CNTNAP2: variants seen among roughly 807,000 people sequenced by gnomAD.
CNTNAP2 encodes contactin associated protein 2.
CNTNAP2 carries 98 observed loss-of-function variants against 155.2 expected under a neutral mutation model. The ratio of observed to expected loss-of-function variants is 0.63; its 90% CI spans 0.54 to 0.75. The LOEUF is 0.75. Ranked by LOEUF, CNTNAP2 falls within the 30% of genes least tolerant of loss-of-function variation. CNTNAP2 has a pLI of 0.00. For missense variants in CNTNAP2, 1,727 were observed against 1,688.1 expected (o/e 1.02, Z -0.40); for synonymous variants, 651 against 631.2 (o/e 1.03, Z -0.47).
intron 1 of CNTNAP2, among the ~76,000 whole-genome samples, chr7:146,563,493 C>A (rs1798312413): frequency 6.6e-6 from 1 of 152,036 alleles, no homozygotes; most frequent in Admixed American, 6.6e-5. Context: ...CTCCAGAGAG[C>A]ATGTTATAGA....
At chr7:147,541,417 A>G (rs1288829481) in intron 11 of CNTNAP2, among the ~76,000 whole-genome samples, 2 of 152,236 alleles carry the variant, frequency 1.3e-5, no homozygotes, top group African/African-American at 2.4e-5. Context: ...AACACTCAGC[A>G]TAGAATATGA....
intron 12 of CNTNAP2, among the ~76,000 whole-genome samples, chr7:147,615,444 G>A (rs1195769545): frequency 1.2e-5 from 1 of 82,730 alleles, no homozygotes; most frequent in African/African-American, 5.6e-5. Flanking sequence ...AAAAAAAACT[G>A]TTAAAAAAAA....
chr7:147,756,623 A>C (rs1797216902), intron 13 of CNTNAP2, among the ~76,000 whole-genome samples: 1 of 152,230 alleles, frequency 6.6e-6, no homozygotes, highest in Non-Finnish European at 1.5e-5. Flanking sequence ...GTAATCCTGA[A>C]GGGGAACTTT....
chr7:147,502,203 TATAGAAATA>T (rs1267714362), intron 11 of CNTNAP2, among the ~76,000 whole-genome samples: 5 of 152,146 alleles, frequency 3.3e-5, no homozygotes, highest in Non-Finnish European at 7.4e-5. Flanking sequence ...TCAGATGTTT[TATAGAAATA>T]GAAAAAAAAA....
In CNTNAP2 at chr7:146,933,721, T is replaced by A. The variant is rs564505749; in HGVS notation, c.402+93817T>A. 4.6e-3 allele frequency among the ~76,000 whole-genome samples: 696 copies of A among 150,570 alleles called. 5 individuals carry two copies. Among genetic ancestry groups the A allele is most frequent in the African/African-American group, 0.016 (655 of 41,008 alleles). ...AAGGGCTAGTATCCAGAATCTACAA[T>A]GAACTCAAACAAATTTACAAGAAAA... is the stretch of plus-strand genomic sequence containing the variant. On this transcript the variant is annotated intron_variant, in intron 3 of 23. Transcript: ENST00000361727.
intron 1 of CNTNAP2, among the ~76,000 whole-genome samples, chr7:146,731,924 A>G (rs1391688290): frequency 1.3e-5 from 2 of 151,854 alleles, no homozygotes; most frequent in South Asian, 2.1e-4. Context: ...AGTAAAAATT[A>G]CATTTTTTGT....
intron 13 of CNTNAP2, among the ~76,000 whole-genome samples, chr7:147,900,437 G>A (rs996653575): frequency 6.6e-6 from 1 of 152,160 alleles, no homozygotes. Flanking sequence ...ATGAGAAGAC[G>A]TGCCTTGCTT....
chr7:147,704,410 C>A, intron 13 of CNTNAP2: 1 of 163,250 alleles, frequency 6.1e-6, no homozygotes. Flanking sequence ...ATCTGACCAG[C>A]AAACCAAGCA....
At position 147,034,559 on chromosome 7, in the gene CNTNAP2, C is replaced by A. The variant is rs147929954; in HGVS notation, c.403-9348C>A. On this transcript the variant is annotated intron_variant, in intron 3 of 23. Coordinates refer to ENST00000361727, the MANE Select transcript of CNTNAP2 (RefSeq NM_014141.6). Reference sequence around the variant, plus strand: ...TAATCGGTTCAATTAGACCCCCTGCCTTACTGCAAGGACAGAGAGCTTTCT... The same window carrying A: ...TAATCGGTTCAATTAGACCCCCTGCATTACTGCAAGGACAGAGAGCTTTCT... Among the ~76,000 whole-genome samples the A allele has an allele frequency of 3.4e-3, 517 of 152,300 alleles. 9 individuals are homozygous for A. Among genetic ancestry groups the A allele is most frequent in the African/African-American group, 0.012 (489 of 41,558 alleles).
Position 146,780,041 on chromosome 7 carries a change from G to A in CNTNAP2, c.208+5660G>A, listed in dbSNP as rs776872202. ...CCTTTGGGTGTGTACCCAGTAATGGGATTGCTGGGTCAAATGGTATTTCTG... is the reference window on the plus strand; with the variant it reads ...CCTTTGGGTGTGTACCCAGTAATGGAATTGCTGGGTCAAATGGTATTTCTG... On this transcript the variant is annotated intron_variant, in intron 2 of 23. Transcript: ENST00000361727. Among the ~76,000 whole-genome samples the A allele has an allele frequency of 3.3e-5, 5 of 152,298 alleles. No individual in the cohort carries two copies. The East Asian group carries it at 7.7e-4, about 24-fold the overall frequency.
At chr7:147,810,893 T>C (rs1200260440) in intron 13 of CNTNAP2, among the ~76,000 whole-genome samples, 3 of 152,192 alleles carry the variant, frequency 2.0e-5, no homozygotes, top group East Asian at 3.9e-4. Context: ...GGGTTCCTCC[T>C]TTCTCTTTCT....
Position 147,695,554 on chromosome 7 carries a change from C to G in CNTNAP2, c.2098+56248C>G, listed in dbSNP as rs148048581. Among the ~76,000 whole-genome samples the G allele has an allele frequency of 3.5e-3, 527 of 152,266 alleles. 8 individuals are homozygous for G. Among genetic ancestry groups the G allele is most frequent in the African/African-American group, 0.012 (499 of 41,554 alleles). ...GTGGCTCATGCCTGTAATCCCAGCACTTTGGGAGGCCAAGGTGGGTGGATC... is the reference window on the plus strand; with the variant it reads ...GTGGCTCATGCCTGTAATCCCAGCAGTTTGGGAGGCCAAGGTGGGTGGATC... On this transcript the variant is annotated intron_variant, in intron 13 of 23. Transcript: ENST00000361727.
In CNTNAP2 at chr7:148,391,403, G is replaced by A. The variant is rs113061928; in HGVS notation, c.3715+7515G>A. The stretch of plus-strand genomic sequence containing the variant: ...GCTTTAAGAACACATTTTTATAGGG[G>A]GATGAGGTAAACAAAAGACTTACAC... On this transcript the variant is annotated intron_variant, in intron 22 of 23. Coordinates refer to ENST00000361727, the MANE Select transcript of CNTNAP2 (RefSeq NM_014141.6). 9.4e-3 allele frequency among the ~76,000 whole-genome samples: 1,150 copies of A among 122,142 alleles called. 15 individuals carry two copies. Among genetic ancestry groups the A allele is most frequent in the African/African-American group, 0.05 (1,087 of 21,580 alleles). The allele number at this position is 122,142 out of a possible 152,430, so 80.1% of individuals were successfully genotyped here. A position where few individuals can be genotyped will look rare whatever the true frequency, so the allele number is the denominator to read the frequency against.
At chr7:146,622,322 C>T (rs773146766) in intron 1 of CNTNAP2, among the ~76,000 whole-genome samples, 9 of 151,442 alleles carry the variant, frequency 5.9e-5, no homozygotes, top group Non-Finnish European at 1.2e-4. Context: ...TTGCTCCAGT[C>T]TTAGAATCAA....
intron 3 of CNTNAP2, among the ~76,000 whole-genome samples, chr7:146,950,806 C>T (rs992463167): frequency 6.6e-6 from 1 of 152,052 alleles, no homozygotes; most frequent in African/African-American, 2.4e-5. Context: ...TGGGCATATA[C>T]CTAGTCATGG....
intron 13 of CNTNAP2, among the ~76,000 whole-genome samples, chr7:147,868,244 C>T (rs1020117620): frequency 1.3e-5 from 2 of 152,156 alleles, no homozygotes; most frequent in African/African-American, 4.8e-5. Context: ...TGGTGGTCCA[C>T]TCCAGACCCT....
At chr7:148,014,213 T>G (rs1338985581) in intron 15 of CNTNAP2, 2 of 151,486 alleles carry the variant, frequency 1.3e-5, no homozygotes, top group Non-Finnish European at 2.9e-5. Context: ...CCACCCAGTA[T>G]TATTTGACTT....
At chr7:146,774,503 A>G in intron 2 of CNTNAP2, 122 bp downstream of exon 2, 1 of 707,146 alleles carries the variant, frequency 1.4e-6, no homozygotes, top group South Asian at 1.6e-5. Flanking sequence ...CACTCCTGCC[A>G]CTTCTATTAA....
intron 3 of CNTNAP2, among the ~76,000 whole-genome samples, chr7:146,913,477 G>A (rs768180794): frequency 2.0e-5 from 3 of 152,136 alleles, no homozygotes; most frequent in South Asian, 2.1e-4. Flanking sequence ...ATAAATGAGA[G>A]TAATTTATTT....
Sources: allele counts gnomAD v4.1 joint callset (sites outside exome capture counted in the v4.1 genomes callset), GRCh38; gene constraint gnomAD v4.1.1; transcripts MANE v1.5; gene names NCBI Gene and HGNC (gene_info 2026-07-23, HGNC 2026-07-21).